The following DELE1 variants were observed in gnomAD, a reference collection of about 807,000 sequenced individuals.
DELE1 encodes the protein death ligand signal enhancer.
In DELE1, 54 loss-of-function variants were observed where a neutral mutation model predicts 59.3. The observed-to-expected ratio is 0.91, with a 90% confidence interval of 0.73 to 1.14. The LOEUF (loss-of-function observed/expected upper bound fraction) is 1.14. Among genes scored for constraint, DELE1 ranks in the 50% most tolerant of loss-of-function variants. DELE1 has a pLI of 0.00. For missense variants in DELE1, 636 were observed against 643.9 expected, an observed-to-expected ratio of 0.99 and a Z score of 0.13; for synonymous variants, 264 against 259.1, an observed-to-expected ratio of 1.02 and a Z score of -0.18.
In DELE1 at chr5:141,938,601, G is replaced by T. The variant is rs1479829381; in HGVS notation, c.1390G>T (p.Ala464Ser). 1 of 1,614,088 alleles carries T rather than the reference G, an allele frequency of 6.2e-7. No individual in the cohort carries two copies. Among genetic ancestry groups the T allele is most frequent in the Non-Finnish European group, 8.5e-7 (1 of 1,180,024 alleles). Residue 464 changes from alanine to serine, a missense_variant, in exon 12 of 12, where the codon GCA becomes TCA. Transcript: ENST00000432126. ...PSLCSLNTLL[A>S]GTSRLPHASS... ...CCTCTGCAGCTTGAACACCCTGCTA[G>T]CAGGAACCTCACGCCTACCACATGC...
rs750581113 is a variant in DELE1 at position 141,941,168 on chromosome 5, C to T, written c.*2409C>T. The T allele has an allele frequency of 3.0e-6, 3 of 985,318 alleles. No individual in the cohort carries two copies. Among genetic ancestry groups the T allele is most frequent in the Admixed American group, 1.2e-4 (2 of 16,266 alleles). The allele number at this position is 985,318 out of a possible 1,614,324, so 61.0% of individuals were successfully genotyped here. A position where few individuals can be genotyped will look rare whatever the true frequency, so the allele number is the denominator to read the frequency against. On this transcript the variant is annotated 3_prime_UTR_variant, in exon 12 of 12. Coordinates refer to ENST00000432126, the MANE Select transcript of DELE1 (RefSeq NM_014773.5). Reference sequence around the variant, plus strand: ...GTCATTTTGGATTTTCTGACTACTTCCTTCTAGCCATAGCTGGGGCCGAGG... The same window carrying T: ...GTCATTTTGGATTTTCTGACTACTTTCTTCTAGCCATAGCTGGGGCCGAGG...
chr5:141,933,216 G>C lies in DELE1; in HGVS notation c.755-43G>C, dbSNP rs141858900. 509 of 1,472,528 alleles carry C rather than the reference G, an allele frequency of 3.5e-4. 1 individual carries two copies. In the African/African-American group the frequency reaches 6.5e-3, roughly 19 times the overall value. 91.2% of individuals were successfully genotyped at this position (1,472,528 alleles called of 1,614,324 possible). On this transcript the variant is annotated intron_variant, in intron 7 of 11. Transcript: ENST00000432126. Reference sequence around the variant, plus strand: ...GGTACCTGGCTGAGGGTGTGGGGAAGTTCACTGAGGAAGCTGTGTTTGTGC... The same window carrying C: ...GGTACCTGGCTGAGGGTGTGGGGAACTTCACTGAGGAAGCTGTGTTTGTGC...
chr5:141,936,762 T>G (rs757267272), intron 10 of DELE1: 10 of 564,472 alleles, frequency 1.8e-5, no homozygotes, highest in African/African-American at 2.1e-5. Flanking sequence ...GAGAAGAGTT[T>G]CCTTTTCTGT....
In DELE1 at chr5:141,928,841, G is replaced by C. The variant is rs1030335335; in HGVS notation, c.412+543G>C. On this transcript the variant is annotated intron_variant, in intron 4 of 11. Transcript: ENST00000432126. ...AACCCACCCCATAGGTTTCTTGGGA[G>C]GACTAAATGAGTTAATACATGTCAA... is the stretch of plus-strand genomic sequence containing the variant. Among the ~76,000 whole-genome samples, 4 of 152,090 alleles carry C rather than the reference G, an allele frequency of 2.6e-5. No individual in the cohort carries two copies. The East Asian group carries it at 5.8e-4, about 22-fold the overall frequency.
Position 141,933,399 on chromosome 5 carries a change from A to AT in DELE1, c.895_896insT (p.Lys299IlefsTer36), listed in dbSNP as rs769501543. On this transcript the variant is annotated frameshift_variant and splice_region_variant, in exon 8 of 12. Coordinates refer to ENST00000432126, the MANE Select transcript of DELE1 (RefSeq NM_014773.5). LOFTEE classifies it high-confidence loss of function. ...CAGAGGCACCCCCAGGGACATTAGC[A>AT]AGGTATTCCCCTGCCCCCAAGCCTG... 5.4e-6 allele frequency: 8 copies of AT among 1,491,666 alleles called. No individual in the cohort carries two copies. The Admixed American group carries it at 1.1e-4, about 20-fold the overall frequency. 92.4% of individuals were successfully genotyped at this position (1,491,666 alleles called of 1,614,324 possible). A position where few individuals can be genotyped will look rare whatever the true frequency, so the allele number is the denominator to read the frequency against.
chr5:141,931,119 T>A (rs574427398), intron 7 of DELE1: 5 of 152,226 alleles, frequency 3.3e-5, no homozygotes, highest in Non-Finnish European at 7.3e-5. Flanking sequence ...AGTTTTTGAT[T>A]TAGAAGTCCT....
intron 11 of DELE1, 41 bp from the exon 12 acceptor site, chr5:141,938,480 T>G: frequency 6.3e-7 from 1 of 1,594,246 alleles, no homozygotes; most frequent in Non-Finnish European, 8.6e-7. Flanking sequence ...AGTCCAAGAA[T>G]ATACAGCAAG....
chr5:141,935,915 G>A (rs1443807507), intron 10 of DELE1, among the ~76,000 whole-genome samples: 3 of 152,194 alleles, frequency 2.0e-5, no homozygotes, highest in African/African-American at 7.2e-5. Flanking sequence ...TTGGCCTTAC[G>A]TGTGTCCACT....
chr5:141,940,524 C>T lies in DELE1; in HGVS notation c.*1765C>T. Reference sequence around the variant, plus strand: ...GAAGATTTGAGGGGGGAAAGTTGTCCACGTTTCCCTCTCTGCTTCCCACCC... The same window carrying T: ...GAAGATTTGAGGGGGGAAAGTTGTCTACGTTTCCCTCTCTGCTTCCCACCC... On this transcript the variant is annotated 3_prime_UTR_variant, in exon 12 of 12. Transcript: ENST00000432126. 1 of 985,412 alleles carries T rather than the reference C, an allele frequency of 1.0e-6. No homozygotes were observed. The highest frequency in any genetic ancestry group is 1.2e-6 in the Non-Finnish European group (1 of 829,944). The allele number at this position is 985,412 out of a possible 1,614,324, so 61.0% of individuals were successfully genotyped here. A position where few individuals can be genotyped will look rare whatever the true frequency, so the allele number is the denominator to read the frequency against.
At chr5:141,927,650 G>A (rs2126869800) in intron 3 of DELE1, among the ~76,000 whole-genome samples, 1 of 152,310 alleles carries the variant, frequency 6.6e-6, no homozygotes, top group East Asian at 1.9e-4. Context: ...TGCTGGGGTG[G>A]CTTCACTGGG....
chr5:141,934,775 T>C (rs1241548468), intron 10 of DELE1, 189 bp downstream of exon 10: 1 of 602,620 alleles, frequency 1.7e-6, no homozygotes, highest in African/African-American at 1.9e-5. Flanking sequence ...CAGAGCTGGC[T>C]TGCACCAGGC....
chr5:141,933,094 C>CAAAA (rs56720043), intron 7 of DELE1, among the ~76,000 whole-genome samples, 165 bp from the exon 8 acceptor site: 1 of 101,056 alleles, frequency 9.9e-6, no homozygotes, highest in Non-Finnish European at 2.0e-5. Context: ...GACTCCATCT[C>CAAAA]AAAAAAAAAA....
chr5:141,937,161 A>G (rs766178858), intron 10 of DELE1, 37 bp from the exon 11 acceptor site: 4 of 1,611,170 alleles, frequency 2.5e-6, no homozygotes, highest in Non-Finnish European at 3.4e-6. Context: ...TCATTCCTGC[A>G]TGTGTGTATC....
intron 5 of DELE1, 61 bp from the exon 6 acceptor site, chr5:141,929,928 C>G (rs941585223): frequency 1.3e-6 from 2 of 1,552,424 alleles, no homozygotes; most frequent in South Asian, 2.2e-5. Flanking sequence ...CTGGGAGAGT[C>G]GGAGAAAAGA....
Position 141,928,195 on chromosome 5 carries a change from C to T in DELE1, c.309C>T (p.His103=), listed in dbSNP as rs1751578138. The T allele has an allele frequency of 1.9e-6, 3 of 1,614,224 alleles. No individual in the cohort carries two copies. Among genetic ancestry groups the T allele is most frequent in the Non-Finnish European group, 1.7e-6 (2 of 1,180,024 alleles). ...VLALQLARQI[H]FQASLPAGPQ... is the part of the protein sequence containing the mutation. ...CCCTGCAGCTGGCAAGGCAGATCCA[C>T]TTCCAGGCATCCCTGCCAGCAGGAC... The change falls in exon 4 of 12, where the codon CAC becomes CAT. Residue 103 remains histidine (H), a synonymous_variant. Coordinates refer to ENST00000432126, the MANE Select transcript of DELE1 (RefSeq NM_014773.5).
intron 10 of DELE1, chr5:141,934,968 A>C: frequency 4.6e-6 from 1 of 219,212 alleles, no homozygotes. Context: ...TAAAATCAGA[A>C]TAATAATGCT....
rs779850381 is a variant in DELE1 at position 141,939,232 on chromosome 5, A to G, written c.*473A>G. ...TAGTTATATATTTAATGTATAATAT[A>G]AAAATATGATTAGCATATTGACCTG... is the stretch of plus-strand genomic sequence containing the variant. On this transcript the variant is annotated 3_prime_UTR_variant, in exon 12 of 12. Coordinates refer to ENST00000432126, the MANE Select transcript of DELE1 (RefSeq NM_014773.5). 244 of 599,340 alleles carry G rather than the reference A, an allele frequency of 4.1e-4. No individual in the cohort carries two copies. The highest frequency in any genetic ancestry group is 4.9e-4 in the Non-Finnish European group (234 of 478,018). The allele number at this position is 599,340 out of a possible 1,614,324, so 37.1% of individuals were successfully genotyped here. A position where few individuals can be genotyped will look rare whatever the true frequency, so the allele number is the denominator to read the frequency against.
At chr5:141,929,798 C>T (rs1751749552) in intron 5 of DELE1, 58 bp downstream of exon 5, 11 of 1,594,946 alleles carry the variant, frequency 6.9e-6, no homozygotes, top group Non-Finnish European at 9.4e-6. Flanking sequence ...GTGAGCTGGG[C>T]AAGATGGACG....
At position 141,937,286 on chromosome 5, in the gene DELE1, A is replaced by G. The variant is rs770665477; in HGVS notation, c.1238A>G (p.Gln413Arg). 8 of 1,614,098 alleles carry G rather than the reference A, an allele frequency of 5.0e-6. No homozygotes were observed. The Admixed American group carries it at 8.3e-5, about 17-fold the overall frequency. Reference protein sequence around the residue: ...RNLGEALRCYQQSAALGNEAA... With the variant: ...RNLGEALRCYRQSAALGNEAA... ...CTGGGAGAGGCCTTGAGATGTTACC[A>G]GCAGTCAGCCGCTCTGGGAAATGAG... Residue 413 changes from glutamine to arginine, a missense_variant, in exon 11 of 12, where the codon CAG becomes CGG. Transcript: ENST00000432126.
Sources: allele counts gnomAD v4.1 joint callset (sites outside exome capture counted in the v4.1 genomes callset), GRCh38; gene constraint gnomAD v4.1.1; transcripts MANE v1.5; gene names NCBI Gene and HGNC (gene_info 2026-07-23, HGNC 2026-07-21).